The following PLA2G6 variants were observed in gnomAD, a reference collection of about 807,000 sequenced individuals.
PLA2G6 encodes the protein 85/88 kDa calcium-independent phospholipase A2.
In PLA2G6, 62 loss-of-function variants were observed where a neutral mutation model predicts 83.8. The observed-to-expected ratio is 0.74, with a 90% confidence interval of 0.60 to 0.91. The LOEUF is 0.91. PLA2G6 is among the 40% of genes least tolerant of loss of function. PLA2G6 has a pLI of 0.00. For synonymous variants in PLA2G6, 417 were observed against 449.8 expected (o/e 0.93, Z 0.92); for missense variants, 944 against 1,102.0 (o/e 0.86, Z 2.03).
At chr22:38,113,096 A>C (rs1308108759) in intron 15 of PLA2G6, among the ~76,000 whole-genome samples, 1 of 152,034 alleles carries the variant, frequency 6.6e-6, no homozygotes, top group East Asian at 1.9e-4. Context: ...TGGTAGAGAC[A>C]AAGTCTCATT....
intron 11 of PLA2G6, among the ~76,000 whole-genome samples, chr22:38,121,707 T>A (rs1258230068): frequency 3.9e-5 from 6 of 152,168 alleles, no homozygotes; most frequent in Non-Finnish European, 8.8e-5. Context: ...CCATGGCCCC[T>A]GGGAGTCTCA....
rs2089235691 is a variant in PLA2G6 at position 38,145,919 on chromosome 22, G to A, written c.210-266C>T. The A allele has an allele frequency of 2.3e-5, 11 of 472,936 alleles. No individual in the cohort carries two copies. In the Admixed American group the frequency reaches 3.5e-4, roughly 15 times the overall value. 29.3% of individuals were successfully genotyped at this position (472,936 alleles called of 1,614,324 possible). A position where few individuals can be genotyped will look rare whatever the true frequency, so the allele number is the denominator to read the frequency against. On this transcript the variant is annotated intron_variant, in intron 2 of 16. Transcript: ENST00000332509. ...GACAAGGTCTTGCTCTGTAACCCAG[G>A]CTGGGGTGCGGTGGTGTGATCATGA...
intron 11 of PLA2G6, among the ~76,000 whole-genome samples, chr22:38,121,965 C>A (rs2087550620): frequency 6.6e-6 from 1 of 152,162 alleles, no homozygotes. Flanking sequence ...TCTGCTCACC[C>A]CGCAGGGCTA....
intron 9 of PLA2G6, chr22:38,127,162 C>T: frequency 8.6e-7 from 1 of 1,164,178 alleles, no homozygotes; most frequent in Non-Finnish European, 1.1e-6. Flanking sequence ...CCCCCCACCA[C>T]TGTGCAGAGT....
chr22:38,113,410 C>G, intron 15 of PLA2G6, 77 bp downstream of exon 15: 1 of 1,412,788 alleles, frequency 7.1e-7, no homozygotes, highest in Non-Finnish European at 1.0e-6. Flanking sequence ...ACCAAAGGCC[C>G]CACAGGATGA....
intron 2 of PLA2G6, among the ~76,000 whole-genome samples, chr22:38,156,774 A>G (rs55906414): frequency 0.071 from 10,756 of 152,196 alleles, 601 homozygotes; most frequent in East Asian, 0.31. Context: ...TAAATTTGAA[A>G]TCATATCAAG....
chr22:38,137,476 G>C (rs928169283), intron 5 of PLA2G6: 1 of 152,282 alleles, frequency 6.6e-6, no homozygotes, highest in African/African-American at 2.4e-5. Context: ...CTCAGCAGGG[G>C]CTTAACCATC....
intron 14 of PLA2G6, 142 bp from the exon 15 acceptor site, chr22:38,113,796 T>C: frequency 1.3e-6 from 1 of 785,750 alleles, no homozygotes; most frequent in South Asian, 1.4e-5. Context: ...AGAGCATGCC[T>C]GGCATGATTT....
At chr22:38,174,401 A>AAAG (rs1569305079) in intron 1 of PLA2G6, among the ~76,000 whole-genome samples, 32 of 151,290 alleles carry the variant, frequency 2.1e-4, no homozygotes, top group South Asian at 1.9e-3. Context: ...GTCTCAAAAA[A>AAAG]AAAGAAAGAA....
In PLA2G6 at chr22:38,127,528, A is replaced by G. The variant is rs1418988868; in HGVS notation, c.1348+741T>C. 3 of 1,045,246 alleles carry G rather than the reference A, an allele frequency of 2.9e-6. No homozygotes were observed. In the East Asian group the frequency reaches 1.8e-4, roughly 61 times the overall value. The allele number at this position is 1,045,246 out of a possible 1,614,324, so 64.7% of individuals were successfully genotyped here. A position where few individuals can be genotyped will look rare whatever the true frequency, so the allele number is the denominator to read the frequency against. On this transcript the variant is annotated intron_variant, in intron 9 of 16. Coordinates refer to ENST00000332509, the MANE Select transcript of PLA2G6 (RefSeq NM_003560.4). ...TGGGAGGGGAGAGAGAGGTGGAGCC[A>G]GGACTAGAAGCCACAGTCACGGTGC...
intron 4 of PLA2G6, chr22:38,142,437 A>C (rs2088972542): frequency 6.4e-6 from 1 of 155,056 alleles, no homozygotes; most frequent in Admixed American, 6.3e-5. Flanking sequence ...GTAATCAAAA[A>C]CGTTAACAGG....
At chr22:38,167,181 T>C (rs937081379) in intron 2 of PLA2G6, among the ~76,000 whole-genome samples, 14 of 145,792 alleles carry the variant, frequency 9.6e-5, no homozygotes, top group Non-Finnish European at 2.1e-4. Flanking sequence ...TAAGCCGAGA[T>C]CGCGTCACTG....
Position 38,123,209 on chromosome 22 carries a change from T to C in PLA2G6, c.1477A>G (p.Ile493Val). 1 of 1,555,470 alleles carries C rather than the reference T, an allele frequency of 6.4e-7. No homozygotes were observed. The highest frequency in any genetic ancestry group is 8.7e-7 in the Non-Finnish European group (1 of 1,149,332). Residue 493 changes from isoleucine to valine, a missense_variant, in exon 11 of 17, where the codon ATC becomes GTC. Transcript: ENST00000332509. This position sits in a 1 kb window ranked among gnomAD's most constrained non-coding sequence, Gnocchi z 4.1. ...TCGATGGCGATGAGGAGCTGGATGA[T>C]GATGAGGCCTTTCACTCCTCCTCCA... Reference protein sequence around the residue: ...LDGGGVKGLIIIQLLIAIEKA... With the variant: ...LDGGGVKGLIVIQLLIAIEKA...
At chr22:38,158,152 A>ATATT (rs1401310612) in intron 2 of PLA2G6, among the ~76,000 whole-genome samples, 1 of 150,404 alleles carries the variant, frequency 6.6e-6, no homozygotes, top group Non-Finnish European at 1.5e-5. Context: ...TTGGGTCAAG[A>ATATT]TATTTTCTTT....
At chr22:38,126,913 G>A in intron 9 of PLA2G6, 2 of 738,510 alleles carry the variant, frequency 2.7e-6, no homozygotes, top group South Asian at 5.9e-5. Context: ...TCAAAAGGCT[G>A]AGTCAGGACG....
intron 2 of PLA2G6, among the ~76,000 whole-genome samples, chr22:38,159,962 C>T (rs1173738307): frequency 6.6e-6 from 1 of 152,136 alleles, no homozygotes; most frequent in Non-Finnish European, 1.5e-5. Flanking sequence ...GTGTGTGCAG[C>T]TGAACACGTA....
chr22:38,179,029 G>C (rs975991633), intron 1 of PLA2G6, among the ~76,000 whole-genome samples: 1 of 152,208 alleles, frequency 6.6e-6, no homozygotes, highest in Non-Finnish European at 1.5e-5. Flanking sequence ...CAGAGAATGG[G>C]GATAGGAAGT....
chr22:38,148,770 C>T, intron 2 of PLA2G6: 2 of 454,936 alleles, frequency 4.4e-6, no homozygotes, highest in East Asian at 7.6e-5. Context: ...GTTCCAGAAA[C>T]TAGACTGAGG....
At chr22:38,125,479 G>A (rs187384767) in intron 10 of PLA2G6, among the ~76,000 whole-genome samples, 1 of 152,328 alleles carries the variant, frequency 6.6e-6, no homozygotes, top group East Asian at 1.9e-4. Flanking sequence ...TCACTGCCTG[G>A]CCCTGGGAGT....
Sources: gnomAD v4.1 joint callset for allele counts (sites outside exome capture counted in the v4.1 genomes callset) on GRCh38, gnomAD v4.1.1 for gene constraint, Gnocchi (gnomAD v3.1) non-coding constraint, MANE v1.5 for transcripts, NCBI Gene and HGNC (gene_info 2026-07-23, HGNC 2026-07-21) for gene names.